The following SHE variants were observed in gnomAD, a reference collection of about 807,000 sequenced individuals.
SHE encodes the protein SH2 domain-containing adapter protein E.
SHE carries 11 observed loss-of-function variants against 49.8 expected under a neutral mutation model. The observed-to-expected ratio is 0.22, with a 90% confidence interval of 0.14 to 0.37. The LOEUF (loss-of-function observed/expected upper bound fraction) is 0.37, where lower values mean the gene tolerates loss of function less well. SHE is among the 10% of genes least tolerant of loss of function. The pLI, the probability that SHE is intolerant of heterozygous loss-of-function variation, is 1.00. For missense variants in SHE, 624 were observed against 655.5 expected (o/e 0.95, Z 0.52); for synonymous variants, 310 against 278.1 (o/e 1.11, Z -1.14).
intron 2 of SHE, among the ~76,000 whole-genome samples, chr1:154,490,360 A>G (rs1338614937): frequency 2.6e-5 from 4 of 152,244 alleles, no homozygotes; most frequent in Admixed American, 2.0e-4. Context: ...ATGGGATATC[A>G]TTATTTCCCC....
At chr1:154,477,670 C>T (rs1691910174), downstream of SHE, among the ~76,000 whole-genome samples, 1 of 152,036 alleles carries the variant, frequency 6.6e-6, no homozygotes. Flanking sequence ...GCTGGTGGAT[C>T]ACATGAGGTC....
chr1:154,475,055 A>AG (rs1354856658), downstream of SHE, among the ~76,000 whole-genome samples: 2 of 151,178 alleles, frequency 1.3e-5, no homozygotes, highest in Non-Finnish European at 2.9e-5. Context: ...AATCTGGTCT[A>AG]GGGAGTGAGG....
At chr1:154,495,904 T>A (rs185086867) in intron 2 of SHE, among the ~76,000 whole-genome samples, 1 of 152,334 alleles carries the variant, frequency 6.6e-6, no homozygotes, top group African/African-American at 2.4e-5. Flanking sequence ...ACAGTTCAAC[T>A]GTGTTCATTA....
intron 2 of SHE, among the ~76,000 whole-genome samples, chr1:154,495,890 C>A (rs912730057): frequency 3.8e-4 from 58 of 152,324 alleles, no homozygotes; most frequent in African/African-American, 1.3e-3. Flanking sequence ...GATTTAACCA[C>A]TCCACAGTTC....
intron 3 of SHE, 28 bp from the exon 4 acceptor site, chr1:154,486,711 C>T (rs766271683): frequency 4.3e-6 from 7 of 1,612,982 alleles, no homozygotes; most frequent in Non-Finnish European, 5.9e-6. Flanking sequence ...TTTAACATCA[C>T]AGGCCACTGC....
chr1:154,495,432 C>T (rs1325956208), intron 2 of SHE, among the ~76,000 whole-genome samples: 6 of 152,102 alleles, frequency 3.9e-5, no homozygotes, highest in African/African-American at 1.2e-4. Flanking sequence ...TGATAATTTA[C>T]TCATAAACTC....
rs1409379243 is a variant in SHE, at chr1:154,482,241, T to C, written c.*1908A>G. 2 of 806,440 alleles carry C rather than the reference T, an allele frequency of 2.5e-6. No individual in the cohort carries two copies. Among genetic ancestry groups the C allele is most frequent in the Non-Finnish European group, 3.0e-6 (2 of 666,764 alleles). 50.0% of individuals were successfully genotyped at this position (806,440 alleles called of 1,614,324 possible). On this transcript the variant is annotated 3_prime_UTR_variant, in exon 6 of 6. Coordinates refer to ENST00000304760, the MANE Select transcript of SHE (RefSeq NM_001010846.3). ...GTTGGCCAGGCTGGTCTCAAACTCC[T>C]GACCTCACGTGATCTGCCTGCCTCA...
chr1:154,473,767 G>T (rs1691810205), intron 1 of SHE, among the ~76,000 whole-genome samples: 1 of 151,774 alleles, frequency 6.6e-6, no homozygotes, highest in Non-Finnish European at 1.5e-5. Context: ...TCACACCACT[G>T]CCTTCCAACC....
At chr1:154,492,996 C>T (rs1692413000) in intron 2 of SHE, among the ~76,000 whole-genome samples, 2 of 152,110 alleles carry the variant, frequency 1.3e-5, no homozygotes, top group South Asian at 4.1e-4. Context: ...TTCCAGCCCA[C>T]CTCCCCTAAA....
chr1:154,480,775 AAT>A lies in SHE; in HGVS notation c.*3372_*3373del, dbSNP rs1653983007. The A allele has an allele frequency of 1.0e-6, 1 of 985,328 alleles. No homozygotes were observed. Among genetic ancestry groups the A allele is most frequent in the African/African-American group, 1.7e-5 (1 of 57,242 alleles). 61.0% of individuals were successfully genotyped at this position (985,328 alleles called of 1,614,324 possible). A position where few individuals can be genotyped will look rare whatever the true frequency, so the allele number is the denominator to read the frequency against. ...TCTCCATTATTTTATTCCTAGCTTAAATACACACAAGGCCAGTGGTTTGCAGG... is the reference window on the plus strand; with the variant it reads ...TCTCCATTATTTTATTCCTAGCTTAAACACACAAGGCCAGTGGTTTGCAGG... On this transcript the variant is annotated 3_prime_UTR_variant, in exon 6 of 6. Transcript: ENST00000304760.
downstream of SHE, among the ~76,000 whole-genome samples, chr1:154,477,950 C>A (rs1557793355): frequency 1.3e-5 from 2 of 151,834 alleles, no homozygotes; most frequent in Non-Finnish European, 2.9e-5. Context: ...TTAAACAACT[C>A]CCCATTTCCT....
chr1:154,492,402 C>T (rs1692394656), intron 2 of SHE, among the ~76,000 whole-genome samples: 1 of 152,196 alleles, frequency 6.6e-6, no homozygotes, highest in Non-Finnish European at 1.5e-5. Context: ...GTTCCTCATT[C>T]TCCGGAGCCT....
intron 1 of SHE, among the ~76,000 whole-genome samples, chr1:154,473,745 AGT>A (rs1034073805): frequency 1.3e-5 from 2 of 152,040 alleles, no homozygotes; most frequent in Admixed American, 6.6e-5. Flanking sequence ...GTGAGGCTGC[AGT>A]GGGCTGTGAT....
chr1:154,481,089 G>C lies in SHE; in HGVS notation c.*3060C>G, dbSNP rs900041645. ...TTGTCTCAAGACAAAATGACAAAAA[G>C]CCAGAGCATTCAGAGCTCAGAGAAC... is the stretch of plus-strand genomic sequence containing the variant. On this transcript the variant is annotated 3_prime_UTR_variant, in exon 6 of 6. Transcript: ENST00000304760. 9 of 985,304 alleles carry C rather than the reference G, an allele frequency of 9.1e-6. No homozygotes were observed. The highest frequency in any genetic ancestry group is 1.1e-5 in the Non-Finnish European group (9 of 829,930). The allele number at this position is 985,304 out of a possible 1,614,324, so 61.0% of individuals were successfully genotyped here. A position where few individuals can be genotyped will look rare whatever the true frequency, so the allele number is the denominator to read the frequency against.
In SHE at chr1:154,482,491, C is replaced by T; in HGVS notation, c.*1658G>A. 1 of 985,286 alleles carries T rather than the reference C, an allele frequency of 1.0e-6. No homozygotes were observed. The highest frequency in any genetic ancestry group is 1.1e-4 in the East Asian group (1 of 8,824). The allele number at this position is 985,286 out of a possible 1,614,324, so 61.0% of individuals were successfully genotyped here. A position where few individuals can be genotyped will look rare whatever the true frequency, so the allele number is the denominator to read the frequency against. ...CTAGTAACTACAAAGGTATACTTTC[C>T]TAAAAAATTAACCAAATCAACATTT... On this transcript the variant is annotated 3_prime_UTR_variant, in exon 6 of 6. Coordinates refer to ENST00000304760, the MANE Select transcript of SHE (RefSeq NM_001010846.3).
Position 154,481,402 on chromosome 1 carries a change from T to C in SHE, c.*2747A>G. ...ACTCTGCCTCTCCTCTACTTTTAAT[T>C]CTATAAAGAATATAGTATGACTTGT... On this transcript the variant is annotated 3_prime_UTR_variant, in exon 6 of 6. Transcript: ENST00000304760. 1.0e-6 allele frequency: 1 copy of C among 985,446 alleles called. No homozygotes were observed. The highest frequency in any genetic ancestry group is 1.2e-6 in the Non-Finnish European group (1 of 829,940). The allele number at this position is 985,446 out of a possible 1,614,324, so 61.0% of individuals were successfully genotyped here.
At chr1:154,497,683 T>C (rs929457789) in intron 2 of SHE, among the ~76,000 whole-genome samples, 1 of 152,004 alleles carries the variant, frequency 6.6e-6, no homozygotes, top group Non-Finnish European at 1.5e-5. Context: ...TTTTTTTTTC[T>C]TTTCTTTTTT....
At chr1:154,497,941 T>C in intron 2 of SHE, among the ~76,000 whole-genome samples, 1 of 151,264 alleles carries the variant, frequency 6.6e-6, no homozygotes, top group East Asian at 2.0e-4. Context: ...CCTCGGCCTC[T>C]CAAAGTGCTG....
Position 154,482,613 on chromosome 1 carries a change from G to A in SHE, c.*1536C>T, listed in dbSNP as rs1356044114. The A allele has an allele frequency of 1.4e-5, 14 of 985,284 alleles. No individual in the cohort carries two copies. The East Asian group carries it at 1.4e-3, about 96-fold the overall frequency. The allele number at this position is 985,284 out of a possible 1,614,324, so 61.0% of individuals were successfully genotyped here. On this transcript the variant is annotated 3_prime_UTR_variant, in exon 6 of 6. Coordinates refer to ENST00000304760, the MANE Select transcript of SHE (RefSeq NM_001010846.3). ...TTTGAGACCCAAATGACCAACCCCAGAATACAGACACATCTGCTGAATTTT... is the reference window on the plus strand; with the variant it reads ...TTTGAGACCCAAATGACCAACCCCAAAATACAGACACATCTGCTGAATTTT...
Sources: gnomAD v4.1 joint callset for allele counts (sites outside exome capture counted in the v4.1 genomes callset) on GRCh38, gnomAD v4.1.1 for gene constraint, MANE v1.5 for transcripts, NCBI Gene and HGNC (gene_info 2026-07-23, HGNC 2026-07-21) for gene names.